The following VWA8 variants were observed in gnomAD, a reference collection of about 807,000 sequenced individuals.
VWA8 encodes the protein von Willebrand factor A domain-containing protein 8.
VWA8 carries 221 observed loss-of-function variants against 241.5 expected under a neutral mutation model. The ratio of observed to expected loss-of-function variants is 0.91; its 90% confidence interval spans 0.82 to 1.02. The LOEUF (loss-of-function observed/expected upper bound fraction) is 1.02, where lower values mean the gene tolerates loss of function less well. Among genes scored for constraint, VWA8 ranks in the 50% least tolerant of loss-of-function variants. The probability of loss-of-function intolerance (pLI) is 0.00; values close to 1 mark genes in which losing one functional copy is unlikely to be tolerated. For synonymous variants in VWA8, 852 were observed against 827.1 expected (o/e 1.03, Z -0.52); for missense variants, 2,322 against 2,328.7 (o/e 1.00, Z 0.06).
chr13:41,868,435 C>T lies in VWA8; in HGVS notation c.1123G>A (p.Glu375Lys), dbSNP rs775565606. ...QDSGSSLLPK[E>K]IVKVEKMMEN... ...ATCATCTTCTCTACTTTTACAATCT[C>T]TTTAGGAAGTAGAGAGCTTCCTGAA... The change falls in exon 10 of 45, where the codon GAG becomes AAG. Residue 375 changes from glutamate to lysine, a missense_variant. Glu to Lys is a moderately conservative substitution (Grantham distance 56). Coordinates refer to ENST00000379310, the MANE Select transcript of VWA8 (RefSeq NM_015058.2). The T allele has an allele frequency of 3.7e-6, 6 of 1,614,058 alleles. No individual in the cohort carries two copies. The highest frequency in any genetic ancestry group is 4.2e-6 in the Non-Finnish European group (5 of 1,179,984).
At chr13:41,675,131 G>T (rs1349245149) in intron 36 of VWA8, 84 bp downstream of exon 36, 1 of 907,162 alleles carries the variant, frequency 1.1e-6, no homozygotes. Flanking sequence ...AAGCAAAAAA[G>T]TACTCATTTA....
intron 12 of VWA8, among the ~76,000 whole-genome samples, chr13:41,863,401 G>A (rs1305649139): frequency 2.4e-3 from 50 of 21,210 alleles, no homozygotes; most frequent in Non-Finnish European, 4.6e-3. Flanking sequence ...CTATTTGTGT[G>A]TGTGTGTGTG....
intron 20 of VWA8, among the ~76,000 whole-genome samples, chr13:41,768,881 T>G (rs1297985552): frequency 2.7e-5 from 4 of 149,724 alleles, no homozygotes; most frequent in Non-Finnish European, 5.9e-5. Context: ...CTGACTAGAA[T>G]AAATCAACTA....
At chr13:41,947,551 C>T (rs1877905829) in intron 2 of VWA8, among the ~76,000 whole-genome samples, 1 of 152,160 alleles carries the variant, frequency 6.6e-6, no homozygotes, top group Admixed American at 6.5e-5. Context: ...ATAAAAAAGA[C>T]AAACAATAAC....
intron 2 of VWA8, among the ~76,000 whole-genome samples, chr13:41,948,168 A>G (rs1276685105): frequency 6.6e-6 from 1 of 152,186 alleles, no homozygotes; most frequent in African/African-American, 2.4e-5. Context: ...AAAATGTGGA[A>G]TATCCACACA....
chr13:41,580,688 T>C (rs1055935506), intron 42 of VWA8, among the ~76,000 whole-genome samples: 8 of 152,154 alleles, frequency 5.3e-5, no homozygotes, highest in Admixed American at 2.6e-4. Context: ...AAAACAGCTA[T>C]AAGAAACAGG....
rs761828952 is a variant in VWA8 at position 41,783,855 on chromosome 13, C to T, written c.2217G>A (p.Pro739=). The T allele has an allele frequency of 9.9e-6, 16 of 1,613,696 alleles. No individual in the cohort carries two copies. The highest frequency in any genetic ancestry group is 1.7e-4 in the Middle Eastern group (1 of 6,060). ...GTLRIGAVSA[P]IYNAHEKMKV... is the part of the protein sequence containing the mutation. ...TCATTTTCTCATGTGCATTATAGAT[C>T]GGTGCACTAACAGCACCAATCCTCA... Residue 739 remains proline, a synonymous_variant, in exon 19 of 45, where the codon CCG becomes CCA. Transcript: ENST00000379310.
intron 14 of VWA8, among the ~76,000 whole-genome samples, chr13:41,819,980 TATG>T (rs1870879932): frequency 6.6e-6 from 1 of 152,184 alleles, no homozygotes; most frequent in Non-Finnish European, 1.5e-5. Context: ...TAGGAAATGT[TATG>T]ATTTTAAAGT....
At chr13:41,878,040 CTAATT>C (rs1451057979) in intron 9 of VWA8, among the ~76,000 whole-genome samples, 1 of 151,862 alleles carries the variant, frequency 6.6e-6, no homozygotes, top group Non-Finnish European at 1.5e-5. Flanking sequence ...TAAAAATAGT[CTAATT>C]AAGTAATTAC....
chr13:41,752,768 C>T (rs2045665747), intron 21 of VWA8, among the ~76,000 whole-genome samples: 1 of 152,168 alleles, frequency 6.6e-6, no homozygotes, highest in Non-Finnish European at 1.5e-5. Flanking sequence ...TGGCCCATTG[C>T]ACACATTCTC....
chr13:41,925,344 T>C (rs1876780372), intron 2 of VWA8, among the ~76,000 whole-genome samples: 2 of 152,176 alleles, frequency 1.3e-5, no homozygotes, highest in African/African-American at 2.4e-5. Context: ...GGTAAATACA[T>C]AATCAAATCC....
At chr13:41,662,371 T>C (rs2044955929) in intron 37 of VWA8, among the ~76,000 whole-genome samples, 1 of 152,122 alleles carries the variant, frequency 6.6e-6, no homozygotes, top group Admixed American at 6.5e-5. Flanking sequence ...GATTTATACC[T>C]AAATAAAAAA....
chr13:41,642,864 G>A (rs959637425), intron 37 of VWA8, among the ~76,000 whole-genome samples: 6 of 152,058 alleles, frequency 3.9e-5, no homozygotes, highest in African/African-American at 1.4e-4. Context: ...AGGAGGCGGA[G>A]GTTGCAGTGA....
chr13:41,801,881 A>G (rs972397393), intron 17 of VWA8, among the ~76,000 whole-genome samples: 1 of 152,204 alleles, frequency 6.6e-6, no homozygotes, highest in Admixed American at 6.5e-5. Flanking sequence ...TGACTTAAAC[A>G]ATTTTCTCAT....
intron 13 of VWA8, among the ~76,000 whole-genome samples, chr13:41,831,869 C>T (rs1237951425): frequency 6.6e-6 from 1 of 152,006 alleles, no homozygotes; most frequent in Non-Finnish European, 1.5e-5. Context: ...ATCCGCCCAC[C>T]TCGGTCTCCC....
intron 42 of VWA8, among the ~76,000 whole-genome samples, chr13:41,577,181 C>T (rs1221457692): frequency 6.6e-6 from 1 of 152,204 alleles, no homozygotes; most frequent in Non-Finnish European, 1.5e-5. Context: ...CCATAGACAC[C>T]TCACCTCATG....
intron 33 of VWA8, among the ~76,000 whole-genome samples, chr13:41,689,877 G>A (rs1310867787): frequency 6.6e-6 from 1 of 151,870 alleles, no homozygotes; most frequent in Admixed American, 6.6e-5. Flanking sequence ...AATCCCAATA[G>A]TCTGCAGAAA....
At chr13:41,811,964 C>A (rs115956580) in intron 16 of VWA8, among the ~76,000 whole-genome samples, 212 of 152,232 alleles carry the variant, frequency 1.4e-3, no homozygotes, top group African/African-American at 4.9e-3. Context: ...TGTTGAAATT[C>A]TTTTGGCAGG....
chr13:41,907,519 A>G (rs1875776588), intron 4 of VWA8, 67 bp downstream of exon 4: 10 of 1,387,506 alleles, frequency 7.2e-6, no homozygotes, highest in Non-Finnish European at 1.0e-5. Flanking sequence ...CTCTCTTTCT[A>G]CTTTAAAAAT....
Sources: allele counts gnomAD v4.1 joint callset (sites outside exome capture counted in the v4.1 genomes callset), GRCh38; gene constraint gnomAD v4.1.1; transcripts MANE v1.5; gene names NCBI Gene and HGNC (gene_info 2026-07-23, HGNC 2026-07-21).